Variants in ADAM10 observed in about 807,000 individuals in gnomAD.
The protein encoded by ADAM10 is ADAM metallopeptidase domain 10.
In ADAM10, 17 loss-of-function variants were observed where a neutral mutation model predicts 90.1. The observed-to-expected ratio is 0.19, with a 90% confidence interval of 0.13 to 0.28. The LOEUF (loss-of-function observed/expected upper bound fraction) is 0.28, where lower values mean the gene tolerates loss of function less well. Ranked by LOEUF, ADAM10 falls within the 10% of genes least tolerant of loss-of-function variation. ADAM10 has a pLI of 1.00. For missense variants in ADAM10, 610 were observed against 914.3 expected (o/e 0.67, Z 4.29); for synonymous variants, 310 against 298.6 (o/e 1.04, Z -0.40).
chr15:58,644,226 CTTTTT>C (rs1256339206), intron 6 of ADAM10, among the ~76,000 whole-genome samples: 1 of 144,732 alleles, frequency 6.9e-6, no homozygotes, highest in Admixed American at 6.9e-5. Flanking sequence ...TTTTTTTTTT[CTTTTT>C]TTGTTTTTTT....
At chr15:58,647,045 A>T (rs1393482253) in intron 5 of ADAM10, among the ~76,000 whole-genome samples, 1 of 152,054 alleles carries the variant, frequency 6.6e-6, no homozygotes. Context: ...CAATTCATCC[A>T]TTATACCACT....
chr15:58,656,028 T>C (rs939637622), intron 5 of ADAM10, among the ~76,000 whole-genome samples: 5 of 152,108 alleles, frequency 3.3e-5, no homozygotes, highest in Admixed American at 1.3e-4. Flanking sequence ...ATTACAGGCG[T>C]GAGCTGCCAG....
chr15:58,638,614 C>CAA (rs60048171), intron 8 of ADAM10, among the ~76,000 whole-genome samples: 60 of 78,048 alleles, frequency 7.7e-4, no homozygotes, highest in East Asian at 1.9e-3. Context: ...CACTCTGTCT[C>CAA]AAAAAAAAAA....
At chr15:58,661,129 G>A (rs183375661) in intron 5 of ADAM10, among the ~76,000 whole-genome samples, 129 of 152,218 alleles carry the variant, frequency 8.5e-4, no homozygotes, top group African/African-American at 2.9e-3. Context: ...CATAAATTTT[G>A]ATTCTCTGTA....
intron 14 of ADAM10, chr15:58,609,039 G>T (rs1156482168): frequency 6.6e-6 from 1 of 152,056 alleles, no homozygotes; most frequent in African/African-American, 2.4e-5. Context: ...TGAAAATAAA[G>T]AAGGGCCAAG....
At chr15:58,699,876 G>C (rs565908059) in intron 2 of ADAM10, among the ~76,000 whole-genome samples, 58 of 152,182 alleles carry the variant, frequency 3.8e-4, no homozygotes, top group Admixed American at 2.2e-3. Context: ...AACTGTAAAA[G>C]GATGAAACTT....
At chr15:58,729,736 G>C (rs1237806156) in intron 1 of ADAM10, among the ~76,000 whole-genome samples, 2 of 152,184 alleles carry the variant, frequency 1.3e-5, no homozygotes, top group Admixed American at 6.5e-5. Flanking sequence ...GGCCAAGGCA[G>C]GCGGATCACT....
At chr15:58,668,152 C>T (rs1463698316) in intron 4 of ADAM10, among the ~76,000 whole-genome samples, 2 of 152,090 alleles carry the variant, frequency 1.3e-5, no homozygotes, top group African/African-American at 4.8e-5. Flanking sequence ...TTATTCTGAT[C>T]AATGACAAAC....
Position 58,648,220 on chromosome 15 carries a change from T to C in ADAM10, c.586-2016A>G, listed in dbSNP as rs181353689. Among the ~76,000 whole-genome samples, 203 of 152,318 alleles carry C rather than the reference T, an allele frequency of 1.3e-3. 1 individual carries two copies. Among genetic ancestry groups the C allele is most frequent in the Admixed American group, 0.012 (179 of 15,296 alleles). ...CTTATTTTTAAAACAATTTGTATTA[T>C]AGATGGGTACCAACACTACTGAAAC... On this transcript the variant is annotated intron_variant, in intron 5 of 15. Coordinates refer to ENST00000260408, the MANE Select transcript of ADAM10 (RefSeq NM_001110.4).
At chr15:58,622,329 T>C (rs931570019) in intron 10 of ADAM10, among the ~76,000 whole-genome samples, 2 of 152,230 alleles carry the variant, frequency 1.3e-5, no homozygotes, top group Non-Finnish European at 2.9e-5. Flanking sequence ...AATGTCTCTT[T>C]ACAATTTGTT....
At chr15:58,628,111 A>G (rs1895999278) in intron 9 of ADAM10, among the ~76,000 whole-genome samples, 1 of 152,254 alleles carries the variant, frequency 6.6e-6, no homozygotes, top group Non-Finnish European at 1.5e-5. Flanking sequence ...ATAACAATTT[A>G]TAGCTTTGTA....
intron 4 of ADAM10, among the ~76,000 whole-genome samples, chr15:58,668,030 A>T (rs1897116681): frequency 6.6e-6 from 1 of 152,152 alleles, no homozygotes; most frequent in Non-Finnish European, 1.5e-5. Flanking sequence ...AACAGAGATG[A>T]GGAAGAGGGC....
At chr15:58,676,906 A>G (rs1439250014) in intron 4 of ADAM10, among the ~76,000 whole-genome samples, 1 of 152,248 alleles carries the variant, frequency 6.6e-6, no homozygotes, top group Admixed American at 6.5e-5. Context: ...CTCGTGCTAC[A>G]ATGGCAGAGC....
At chr15:58,647,479 T>C (rs1349787921) in intron 5 of ADAM10, among the ~76,000 whole-genome samples, 1 of 151,884 alleles carries the variant, frequency 6.6e-6, no homozygotes, top group Non-Finnish European at 1.5e-5. Context: ...TTAGCCAAGA[T>C]GGTCTCGATC....
chr15:58,685,768 G>C (rs1897583803), intron 2 of ADAM10, among the ~76,000 whole-genome samples: 1 of 151,516 alleles, frequency 6.6e-6, no homozygotes, highest in South Asian at 2.1e-4. Flanking sequence ...ATCTTTTGTG[G>C]CATTTAAATT....
At chr15:58,692,258 C>A in intron 2 of ADAM10, 1 of 602,768 alleles carries the variant, frequency 1.7e-6, no homozygotes, top group East Asian at 4.0e-5. Flanking sequence ...TGCTTGACTG[C>A]CAAGTGGTCT....
At chr15:58,678,066 T>C (rs572338976) in intron 4 of ADAM10, among the ~76,000 whole-genome samples, 1 of 151,824 alleles carries the variant, frequency 6.6e-6, no homozygotes, top group Non-Finnish European at 1.5e-5. Flanking sequence ...AAAGGTAGAG[T>C]TTGAAATACC....
chr15:58,707,598 C>T (rs972182026), intron 2 of ADAM10, among the ~76,000 whole-genome samples: 2 of 151,944 alleles, frequency 1.3e-5, no homozygotes, highest in Non-Finnish European at 2.9e-5. Flanking sequence ...GTGAGTCTCA[C>T]GTAAAGGAGG....
chr15:58,742,867 G>C (rs148844310), intron 1 of ADAM10, among the ~76,000 whole-genome samples: 1 of 152,206 alleles, frequency 6.6e-6, no homozygotes, highest in Non-Finnish European at 1.5e-5. Flanking sequence ...AACACAGCCT[G>C]GGCAACATAG....
Sources: allele counts gnomAD v4.1 joint callset (sites outside exome capture counted in the v4.1 genomes callset), GRCh38; gene constraint gnomAD v4.1.1; transcripts MANE v1.5; gene names NCBI Gene and HGNC (gene_info 2026-07-23, HGNC 2026-07-21).